Variants in TTC13 observed in about 807,000 individuals in gnomAD.
TTC13 encodes the protein tetratricopeptide repeat domain 13.
A neutral mutation model predicts 120.0 loss-of-function variants in TTC13; 62 were observed. That is an observed-to-expected ratio of 0.52 (90% CI 0.42 to 0.64). The LOEUF is 0.64. Ranked by LOEUF, TTC13 falls within the 30% of genes least tolerant of loss-of-function variation. TTC13 has a pLI of 0.00. For synonymous variants in TTC13, 384 were observed against 393.5 expected (o/e 0.98, Z 0.28); for missense variants, 824 against 1,050.2 (o/e 0.78, Z 2.98).
intron 18 of TTC13, among the ~76,000 whole-genome samples, chr1:230,914,973 C>T (rs6687367): frequency 0.47 from 71,474 of 151,592 alleles, 17,349 homozygotes; most frequent in Admixed American, 0.57. Context: ...TCTGAGGATA[C>T]ACATCGTGGA....
At position 230,939,406 on chromosome 1, in the gene TTC13, A is replaced by G; in HGVS notation, c.880T>C (p.Phe294Leu). ...TTCACCTTCAGAAGTCCTCTGTGAAAGAAAGTTAAACCTTTGTATAGCATA... is the reference window on the plus strand; with the variant it reads ...TTCACCTTCAGAAGTCCTCTGTGAAGGAAAGTTAAACCTTTGTATAGCATA... Reference protein sequence around the residue: ...IAMLYKGLTFFHRGLLKEAIE... With the variant: ...IAMLYKGLTFLHRGLLKEAIE... Residue 294 changes from phenylalanine (F) to leucine (L), a missense_variant, in exon 8 of 23, where the codon TTT becomes CTT. Phe to Leu is a conservative substitution (Grantham distance 22). Coordinates refer to ENST00000366661, the MANE Select transcript of TTC13 (RefSeq NM_024525.5). The G allele has an allele frequency of 6.2e-7, 1 of 1,610,802 alleles. No individual in the cohort carries two copies. Among genetic ancestry groups the G allele is most frequent in the Non-Finnish European group, 8.5e-7 (1 of 1,177,566 alleles).
chr1:230,918,386 G>A (rs1451291902), intron 17 of TTC13, among the ~76,000 whole-genome samples: 2 of 152,200 alleles, frequency 1.3e-5, no homozygotes, highest in Non-Finnish European at 2.9e-5. Flanking sequence ...ACATGCAGGT[G>A]TGAAGCACTG....
At chr1:230,932,871 T>C (rs1673680047) in intron 9 of TTC13, among the ~76,000 whole-genome samples, 1 of 152,322 alleles carries the variant, frequency 6.6e-6, no homozygotes, top group Non-Finnish European at 1.5e-5. Context: ...AGCCAGAAGC[T>C]CAGGGAAGTT....
chr1:230,924,632 A>C (rs1672894743), intron 14 of TTC13, among the ~76,000 whole-genome samples: 1 of 152,218 alleles, frequency 6.6e-6, no homozygotes, highest in South Asian at 2.1e-4. Flanking sequence ...GCGCCCAGCC[A>C]ATCAATTCCT....
At chr1:230,936,633 G>T (rs1674077704) in intron 8 of TTC13, 1 of 174,366 alleles carries the variant, frequency 5.7e-6, no homozygotes, top group Admixed American at 5.6e-5. Flanking sequence ...TTAGATAGTT[G>T]TAAAATTTGT....
At chr1:230,977,431 G>A (rs1312482466) in intron 1 of TTC13, among the ~76,000 whole-genome samples, 1 of 152,102 alleles carries the variant, frequency 6.6e-6, no homozygotes, top group East Asian at 1.9e-4. Context: ...TTTCTCCACC[G>A]TGCAAGGCTG....
intron 9 of TTC13, among the ~76,000 whole-genome samples, chr1:230,933,119 C>T (rs1376980267): frequency 6.6e-6 from 1 of 152,128 alleles, no homozygotes; most frequent in Non-Finnish European, 1.5e-5. Context: ...ATTACAGGAA[C>T]CCACCACCAT....
intron 1 of TTC13, among the ~76,000 whole-genome samples, chr1:230,976,615 C>G (rs1403152312): frequency 6.6e-6 from 1 of 152,136 alleles, no homozygotes; most frequent in Non-Finnish European, 1.5e-5. Context: ...GGGAGGTGAT[C>G]TGAAAGACTC....
intron 8 of TTC13, chr1:230,936,228 G>A (rs1009148015): frequency 2.2e-6 from 1 of 456,138 alleles, no homozygotes; most frequent in African/African-American, 2.0e-5. Flanking sequence ...TGGTTTCGGG[G>A]TTCCTGTCTA....
At chr1:230,924,335 G>GT (rs530317566) in intron 14 of TTC13, among the ~76,000 whole-genome samples, 57 of 151,110 alleles carry the variant, frequency 3.8e-4, no homozygotes, top group Non-Finnish European at 6.3e-4. Context: ...CAATCAATTC[G>GT]TTTTTTTTGT....
chr1:230,934,488 T>C (rs1006749532), intron 8 of TTC13, among the ~76,000 whole-genome samples: 1 of 152,220 alleles, frequency 6.6e-6, no homozygotes, highest in African/African-American at 2.4e-5. Context: ...AAGTGAGAAC[T>C]GCTAAGCAGG....
chr1:230,947,649 C>G (rs1016660007), intron 4 of TTC13, among the ~76,000 whole-genome samples: 3 of 152,122 alleles, frequency 2.0e-5, no homozygotes, highest in Non-Finnish European at 4.4e-5. Context: ...GCATGTGGCC[C>G]ATGGGTTGGA....
In TTC13 at chr1:230,978,851, C is replaced by T. The variant is rs769440462; in HGVS notation, c.-21G>A. 2 of 1,451,084 alleles carry T rather than the reference C, an allele frequency of 1.4e-6. No individual in the cohort carries two copies. The highest frequency in any genetic ancestry group is 1.4e-5 in the South Asian group (1 of 71,646). 89.9% of individuals were successfully genotyped at this position (1,451,084 alleles called of 1,614,324 possible). A position where few individuals can be genotyped will look rare whatever the true frequency, so the allele number is the denominator to read the frequency against. On this transcript the variant is annotated 5_prime_UTR_variant, in exon 1 of 23. Coordinates refer to ENST00000366661, the MANE Select transcript of TTC13 (RefSeq NM_024525.5). The surrounding 1 kb of genome is among the most constrained non-coding windows in gnomAD (Gnocchi z 5.6). ...GCCATCTTCCCTCAAGGCGCATGCG[C>T]GACAGCCCTTGCCCGGCTCTCAGGC... is the stretch of plus-strand genomic sequence containing the variant.
At chr1:230,960,156 C>G (rs573767433) in intron 2 of TTC13, among the ~76,000 whole-genome samples, 1 of 152,186 alleles carries the variant, frequency 6.6e-6, no homozygotes, top group Non-Finnish European at 1.5e-5. Context: ...AAATAAATAT[C>G]TGGAGAATGG....
intron 20 of TTC13, 109 bp from the exon 21 acceptor site, chr1:230,909,129 C>A: frequency 8.6e-6 from 8 of 926,228 alleles, no homozygotes; most frequent in South Asian, 1.6e-5. Flanking sequence ...TTCAAAAATT[C>A]TTTCAAATAA....
chr1:230,931,051 C>A (rs554604988), intron 11 of TTC13, among the ~76,000 whole-genome samples: 1 of 152,254 alleles, frequency 6.6e-6, no homozygotes, highest in South Asian at 2.1e-4. Context: ...GGCTTTTCAA[C>A]TTAAGTAAAA....
chr1:230,953,260 T>C (rs910897894), intron 4 of TTC13, among the ~76,000 whole-genome samples: 1 of 152,186 alleles, frequency 6.6e-6, no homozygotes. Flanking sequence ...TAACTAAAAA[T>C]ATCTCATCAA....
chr1:230,956,815 G>A (rs1192942967), intron 3 of TTC13, among the ~76,000 whole-genome samples: 2 of 152,158 alleles, frequency 1.3e-5, no homozygotes, highest in Non-Finnish European at 2.9e-5. Flanking sequence ...TCTAAATTTT[G>A]TTGTAGGAGT....
rs1192004180 is a variant in TTC13 at position 230,924,875 on chromosome 1, T to G, written c.1687A>C (p.Arg563=). ...TTAACTGCAATGTCAAACATGTCTC[T>G]CCACTGCATCAACCGTGTCTTCCCA... ...MNGKTRLMQW[R]DMFDIAVKWR... The change falls in exon 14 of 23, where the codon AGA becomes CGA. Residue 563 remains arginine, a synonymous_variant. Coordinates refer to ENST00000366661, the MANE Select transcript of TTC13 (RefSeq NM_024525.5). 2 of 1,614,234 alleles carry G rather than the reference T, an allele frequency of 1.2e-6. No homozygotes were observed. The highest frequency in any genetic ancestry group is 1.7e-6 in the Non-Finnish European group (2 of 1,180,040).
Sources: allele counts gnomAD v4.1 joint callset (sites outside exome capture counted in the v4.1 genomes callset), GRCh38; gene constraint gnomAD v4.1.1; non-coding constraint Gnocchi (gnomAD v3.1); transcripts MANE v1.5; gene names NCBI Gene and HGNC (gene_info 2026-07-23, HGNC 2026-07-21).